The following RAB7A variants were observed in gnomAD, a reference collection of about 807,000 sequenced individuals.
RAB7A encodes the protein ras-related protein Rab-7a.
Under a neutral mutation model 24.5 loss-of-function variants are expected in RAB7A, and 2 were observed. The observed-to-expected ratio is 0.08, with a 90% CI of 0.03 to 0.26. The LOEUF (loss-of-function observed/expected upper bound fraction) is 0.26, where lower values mean the gene tolerates loss of function less well. Ranked by LOEUF, RAB7A falls within the 10% of genes least tolerant of loss-of-function variation. The pLI, the probability that RAB7A is intolerant of heterozygous loss-of-function variation, is 1.00. For missense variants in RAB7A, 118 were observed against 255.7 expected (o/e 0.46, Z 3.67); for synonymous variants, 100 against 95.9 (o/e 1.04, Z -0.25).
At chr3:128,744,946 T>C (rs2070595983) in intron 1 of RAB7A, among the ~76,000 whole-genome samples, 1 of 151,238 alleles carries the variant, frequency 6.6e-6, no homozygotes, top group Admixed American at 6.6e-5. Context: ...CGATCTCGGC[T>C]CACTGCAAGC....
intron 3 of RAB7A, among the ~76,000 whole-genome samples, chr3:128,803,312 A>T (rs1933736954): frequency 6.6e-6 from 1 of 152,234 alleles, no homozygotes; most frequent in African/African-American, 2.4e-5. Context: ...TACATTAAAC[A>T]TGTAAATAAC....
chr3:128,793,652 C>T (rs1302666276), intron 1 of RAB7A, among the ~76,000 whole-genome samples: 1 of 152,072 alleles, frequency 6.6e-6, no homozygotes, highest in Non-Finnish European at 1.5e-5. Context: ...TCAAAGCGGT[C>T]CCTGGGGAGA....
At position 128,793,025 on chromosome 3, in the gene RAB7A, T is replaced by C. The variant is rs1300051365; in HGVS notation, c.-8-2335T>C. On this transcript the variant is annotated intron_variant, in intron 1 of 5. Transcript: ENST00000265062. ...GCCACCATGCCCAGCTAATTTTGTTTTGTTTTTTGTTTTTTTGAGACGGAG... is the reference window on the plus strand; with the variant it reads ...GCCACCATGCCCAGCTAATTTTGTTCTGTTTTTTGTTTTTTTGAGACGGAG... Among the ~76,000 whole-genome samples the C allele has an allele frequency of 3.3e-5, 5 of 150,924 alleles. 1 individual carries two copies. Among genetic ancestry groups the C allele is most frequent in the Admixed American group, 6.6e-5 (1 of 15,166 alleles).
chr3:128,751,032 T>G (rs1407368663), intron 1 of RAB7A, among the ~76,000 whole-genome samples: 2 of 152,148 alleles, frequency 1.3e-5, no homozygotes, highest in Non-Finnish European at 2.9e-5. Flanking sequence ...TGCACAGAAG[T>G]CAAGAATTGA....
rs869119619 is a variant in RAB7A at position 128,809,936 on chromosome 3, C to CTTTTTTTTTTTTTTTTTTTTTT, written c.528+2274_528+2295dup. Among the ~76,000 whole-genome samples, 81 of 52,252 alleles carry CTTTTTTTTTTTTTTTTTTTTTT rather than the reference C, an allele frequency of 1.6e-3. 21 individuals carry two copies. Among genetic ancestry groups the CTTTTTTTTTTTTTTTTTTTTTT allele is most frequent in the Non-Finnish European group, 2.0e-3 (58 of 29,578 alleles). 34.3% of individuals were successfully genotyped at this position (52,252 alleles called of 152,430 possible). A position where few individuals can be genotyped will look rare whatever the true frequency, so the allele number is the denominator to read the frequency against. The stretch of plus-strand genomic sequence containing the variant: ...GAGGCAAGTTTCCTCTTGCCACAGT[C>CTTTTTTTTTTTTTTTTTTTTTT]TTTTTTTTTTTTTTTTTTTTTTTTT... On this transcript the variant is annotated intron_variant, in intron 5 of 5. Transcript: ENST00000265062.
intron 1 of RAB7A, among the ~76,000 whole-genome samples, chr3:128,776,986 ACC>A (rs1461824190): frequency 7.6e-6 from 1 of 132,104 alleles, no homozygotes; most frequent in East Asian, 2.3e-4. Context: ...ACACACACAC[ACC>A]CCTATTAGTC....
At chr3:128,744,355 G>T (rs935724368) in intron 1 of RAB7A, among the ~76,000 whole-genome samples, 1 of 152,212 alleles carries the variant, frequency 6.6e-6, no homozygotes, top group Admixed American at 6.5e-5. Flanking sequence ...ATAGATTTGG[G>T]CAGACAGAAA....
At chr3:128,759,735 G>A (rs549203833) in intron 1 of RAB7A, among the ~76,000 whole-genome samples, 1 of 151,780 alleles carries the variant, frequency 6.6e-6, no homozygotes, top group South Asian at 2.1e-4. Context: ...CTGAGACGGA[G>A]TTTCGCTCTT....
At chr3:128,768,565 G>A (rs937632756) in intron 1 of RAB7A, among the ~76,000 whole-genome samples, 6 of 151,938 alleles carry the variant, frequency 3.9e-5, no homozygotes, top group African/African-American at 1.5e-4. Context: ...GTTTTGTTTT[G>A]TTTTGTTTTT....
At chr3:128,766,410 G>A (rs1421499490) in intron 1 of RAB7A, among the ~76,000 whole-genome samples, 1 of 152,188 alleles carries the variant, frequency 6.6e-6, no homozygotes, top group Non-Finnish European at 1.5e-5. Context: ...ACAGAAGACA[G>A]GTCTTTCACT....
At chr3:128,752,857 C>T (rs899442143) in intron 1 of RAB7A, among the ~76,000 whole-genome samples, 1 of 151,122 alleles carries the variant, frequency 6.6e-6, no homozygotes, top group African/African-American at 2.4e-5. Flanking sequence ...TTCAAAATCT[C>T]TAACACCTTT....
intron 1 of RAB7A, among the ~76,000 whole-genome samples, chr3:128,738,601 A>G (rs1382046978): frequency 6.6e-6 from 1 of 152,160 alleles, no homozygotes; most frequent in Non-Finnish European, 1.5e-5. Flanking sequence ...ACTTACGTCT[A>G]TAGTGTTCTT....
At chr3:128,804,091 C>A (rs1002185030) in intron 3 of RAB7A, among the ~76,000 whole-genome samples, 2 of 147,520 alleles carry the variant, frequency 1.4e-5, no homozygotes, top group African/African-American at 5.0e-5. Context: ...GTTCCTGCTT[C>A]ATGGGGCTAG....
intron 1 of RAB7A, among the ~76,000 whole-genome samples, chr3:128,752,279 T>G (rs1021797808): frequency 6.6e-6 from 1 of 150,956 alleles, no homozygotes; most frequent in African/African-American, 2.4e-5. Context: ...ATACTAATAA[T>G]GCTAACCAGC....
intron 1 of RAB7A, among the ~76,000 whole-genome samples, chr3:128,768,967 TCC>T (rs2070858917): frequency 1.5e-5 from 2 of 132,460 alleles, no homozygotes; most frequent in South Asian, 2.4e-4. Flanking sequence ...TTTCTTTCTT[TCC>T]TTTTTTTTTT....
At chr3:128,732,597 G>A (rs938635105) in intron 1 of RAB7A, among the ~76,000 whole-genome samples, 2 of 152,144 alleles carry the variant, frequency 1.3e-5, no homozygotes, top group Admixed American at 1.3e-4. Flanking sequence ...GGGAGGGTAA[G>A]GCAGGAGGAT....
In RAB7A at chr3:128,814,160, G is replaced by A. The variant is rs943622528; in HGVS notation, c.*738G>A. On this transcript the variant is annotated 3_prime_UTR_variant, in exon 6 of 6. Coordinates refer to ENST00000265062, the MANE Select transcript of RAB7A (RefSeq NM_004637.6). ...CCTGTAAGGTGGAGGGTTGAACCCT[G>A]TTTGGATTGCAGAGTGTTACTCAGA... is the stretch of plus-strand genomic sequence containing the variant. 6.5e-6 allele frequency: 1 copy of A among 153,774 alleles called. No homozygotes were observed. Among genetic ancestry groups the A allele is most frequent in the African/African-American group, 2.4e-5 (1 of 41,438 alleles). The allele number at this position is 153,774 out of a possible 1,614,324, so 9.5% of individuals were successfully genotyped here. A position where few individuals can be genotyped will look rare whatever the true frequency, so the allele number is the denominator to read the frequency against.
At chr3:128,736,720 A>G (rs2070493172) in intron 1 of RAB7A, among the ~76,000 whole-genome samples, 1 of 152,200 alleles carries the variant, frequency 6.6e-6, no homozygotes, top group African/African-American at 2.4e-5. Flanking sequence ...ATACAGTTAA[A>G]TTCCAGCACA....
At position 128,731,434 on chromosome 3, in the gene RAB7A, G is replaced by C. The variant is rs540258889; in HGVS notation, c.-9+5075G>C. Among the ~76,000 whole-genome samples the C allele has an allele frequency of 7.9e-5, 12 of 152,336 alleles. No homozygotes were observed. In the East Asian group the frequency reaches 2.3e-3, roughly 29 times the overall value. ...TCTGACCTGCACCATGTTAATGGTT[G>C]TTAAAAAAGCGATAACATTTTGTAG... On this transcript the variant is annotated intron_variant, in intron 1 of 5. Transcript: ENST00000265062.
Sources: allele counts gnomAD v4.1 joint callset (sites outside exome capture counted in the v4.1 genomes callset), GRCh38; gene constraint gnomAD v4.1.1; transcripts MANE v1.5; gene names NCBI Gene and HGNC (gene_info 2026-07-23, HGNC 2026-07-21).